The following PDZRN4 variants were observed in gnomAD, a reference collection of about 807,000 sequenced individuals.
PDZRN4 encodes the protein PDZ domain-containing RING finger protein 4.
Under a neutral mutation model 99.0 loss-of-function variants are expected in PDZRN4, and 70 were observed. The observed-to-expected ratio is 0.71, with a 90% CI of 0.58 to 0.86. The LOEUF (loss-of-function observed/expected upper bound fraction) is 0.86, where lower values mean the gene tolerates loss of function less well. Ranked by LOEUF, PDZRN4 falls within the 40% of genes least tolerant of loss-of-function variation. The probability of loss-of-function intolerance (pLI) is 0.00; values close to 1 mark genes in which losing one functional copy is unlikely to be tolerated. For missense variants in PDZRN4, 1,474 were observed against 1,331.2 expected, an observed-to-expected ratio of 1.11 and a Z score of -1.67; for synonymous variants, 551 against 501.6, an observed-to-expected ratio of 1.10 and a Z score of -1.32.
At chr12:41,424,397 T>G (rs1032254473) in intron 3 of PDZRN4, among the ~76,000 whole-genome samples, 9 of 152,152 alleles carry the variant, frequency 5.9e-5, no homozygotes, top group African/African-American at 2.2e-4. Context: ...AAACACATGA[T>G]CTGATGAAAA....
chr12:41,322,292 C>T (rs1298769725), intron 3 of PDZRN4, among the ~76,000 whole-genome samples: 2 of 151,778 alleles, frequency 1.3e-5, no homozygotes, highest in Non-Finnish European at 1.5e-5. Context: ...CTCCCAAATG[C>T]TTGGATTATA....
intron 3 of PDZRN4, among the ~76,000 whole-genome samples, chr12:41,239,101 G>GA (rs1241439781): frequency 6.6e-6 from 1 of 152,110 alleles, no homozygotes; most frequent in Non-Finnish European, 1.5e-5. Context: ...AAGATAATGT[G>GA]GTAAATATAC....
intron 7 of PDZRN4, among the ~76,000 whole-genome samples, chr12:41,559,432 G>A (rs1043456267): frequency 2.0e-5 from 3 of 152,118 alleles, no homozygotes; most frequent in Admixed American, 2.0e-4. Context: ...TTGCAGTGCT[G>A]AATATGGCAT....
At chr12:41,497,706 T>A (rs1332417516) in intron 3 of PDZRN4, among the ~76,000 whole-genome samples, 4 of 152,152 alleles carry the variant, frequency 2.6e-5, no homozygotes, top group Non-Finnish European at 4.4e-5. Context: ...TCAGGTGATA[T>A]TCAGTAGATG....
At chr12:41,538,460 G>A (rs1592102558) in intron 5 of PDZRN4, among the ~76,000 whole-genome samples, 2 of 152,276 alleles carry the variant, frequency 1.3e-5, no homozygotes, top group East Asian at 3.9e-4. Context: ...CTAGTGAACA[G>A]ATGCTGATAT....
intron 3 of PDZRN4, among the ~76,000 whole-genome samples, chr12:41,407,218 C>T (rs1952356663): frequency 1.3e-5 from 2 of 152,134 alleles, no homozygotes; most frequent in South Asian, 2.1e-4. Context: ...AATATCTCAC[C>T]GTCATTTTAG....
At chr12:41,283,526 C>G (rs1951403299) in intron 3 of PDZRN4, among the ~76,000 whole-genome samples, 1 of 152,182 alleles carries the variant, frequency 6.6e-6, no homozygotes, top group African/African-American at 2.4e-5. Flanking sequence ...CCAGCATCAT[C>G]CTGATATCCC....
intron 3 of PDZRN4, among the ~76,000 whole-genome samples, chr12:41,247,042 T>G (rs1951137936): frequency 6.6e-6 from 1 of 152,124 alleles, no homozygotes. Flanking sequence ...ACAAATATAT[T>G]GAGATCCAAT....
chr12:41,391,781 C>A lies in PDZRN4; in HGVS notation c.844-114675C>A, dbSNP rs116459922. Among the ~76,000 whole-genome samples the A allele has an allele frequency of 4.9e-3, 748 of 152,206 alleles. 5 individuals carry two copies. Among genetic ancestry groups the A allele is most frequent in the African/African-American group, 0.017 (706 of 41,532 alleles). ...GAAAAATCTTTACTAACTGAATAGC[C>A]TTCTCTCTGGTGTGAGAAAGCTGAC... On this transcript the variant is annotated intron_variant, in intron 3 of 9. Transcript: ENST00000402685.
intron 3 of PDZRN4, among the ~76,000 whole-genome samples, chr12:41,432,740 G>C (rs1952595525): frequency 6.6e-6 from 1 of 152,232 alleles, no homozygotes; most frequent in Admixed American, 6.5e-5. Flanking sequence ...ACTGCTAGCT[G>C]ATGGGATCAA....
intron 3 of PDZRN4, among the ~76,000 whole-genome samples, chr12:41,457,129 G>A (rs997099628): frequency 1.1e-4 from 16 of 151,930 alleles, no homozygotes; most frequent in Non-Finnish European, 1.9e-4. Context: ...TGAAAATACT[G>A]TATTTCTCAA....
intron 3 of PDZRN4, among the ~76,000 whole-genome samples, chr12:41,348,487 T>C: frequency 6.6e-6 from 1 of 152,126 alleles, no homozygotes; most frequent in Non-Finnish European, 1.5e-5. Context: ...TTCTTACTAC[T>C]ACAGATTTGC....
chr12:41,471,883 T>C (rs1952994497), intron 3 of PDZRN4, among the ~76,000 whole-genome samples: 1 of 148,698 alleles, frequency 6.7e-6, no homozygotes, highest in African/African-American at 2.5e-5. Flanking sequence ...AAGTTTTCTG[T>C]TAGCCTAAGT....
chr12:41,250,529 C>T (rs1191767882), intron 3 of PDZRN4, among the ~76,000 whole-genome samples: 1 of 152,156 alleles, frequency 6.6e-6, no homozygotes, highest in Non-Finnish European at 1.5e-5. Context: ...TTAGTCCATC[C>T]CTAAATAACT....
chr12:41,201,788 G>A lies in PDZRN4; in HGVS notation c.843+7600G>A, dbSNP rs529256700. Among the ~76,000 whole-genome samples, 32 of 152,178 alleles carry A rather than the reference G, an allele frequency of 2.1e-4. 1 individual carries two copies. Among genetic ancestry groups the A allele is most frequent in the African/African-American group, 4.8e-4 (20 of 41,550 alleles). ...ATTGTTTCTTAAGTTGTAAGATCTC[G>A]AAAATCTAGCCACAATGGATCAAAG... On this transcript the variant is annotated intron_variant, in intron 3 of 9. Transcript: ENST00000402685.
At chr12:41,208,513 C>T (rs972325891) in intron 3 of PDZRN4, among the ~76,000 whole-genome samples, 1 of 151,872 alleles carries the variant, frequency 6.6e-6, no homozygotes, top group African/African-American at 2.4e-5. Context: ...AGCTTTTAAT[C>T]TTTGTCAGTA....
chr12:41,247,485 A>G (rs1951140772), intron 3 of PDZRN4, among the ~76,000 whole-genome samples: 1 of 152,174 alleles, frequency 6.6e-6, no homozygotes, highest in African/African-American at 2.4e-5. Context: ...TGTTGATTTA[A>G]CTTGGGGGGT....
At chr12:41,489,297 G>C (rs1565596297) in intron 3 of PDZRN4, among the ~76,000 whole-genome samples, 1 of 152,054 alleles carries the variant, frequency 6.6e-6, no homozygotes, top group East Asian at 1.9e-4. Context: ...GTGGGTAAAG[G>C]CCAGGGATGT....
chr12:41,559,994 C>T (rs1939241554), intron 7 of PDZRN4, among the ~76,000 whole-genome samples: 1 of 152,084 alleles, frequency 6.6e-6, no homozygotes, highest in African/African-American at 2.4e-5. Flanking sequence ...AACTGTGAAC[C>T]AATTAATCCT....
Sources: allele counts gnomAD v4.1 joint callset (sites outside exome capture counted in the v4.1 genomes callset), GRCh38; gene constraint gnomAD v4.1.1; transcripts MANE v1.5; gene names NCBI Gene and HGNC (gene_info 2026-07-23, HGNC 2026-07-21).